Variants in PTCHD4 observed in about 807,000 individuals in gnomAD.
The protein encoded by PTCHD4 is patched domain-containing protein 4.
A neutral mutation model predicts 58.1 loss-of-function variants in PTCHD4; 33 were observed. That is an observed-to-expected ratio of 0.57 (90% CI 0.43 to 0.76). The LOEUF (loss-of-function observed/expected upper bound fraction) is 0.76. Ranked by LOEUF, PTCHD4 falls within the 30% of genes least tolerant of loss-of-function variation. The probability of loss-of-function intolerance (pLI) is 0.00; values close to 1 mark genes in which losing one functional copy is unlikely to be tolerated. For synonymous variants in PTCHD4, 478 were observed against 409.6 expected, an observed-to-expected ratio of 1.17 and a Z score of -2.02; for missense variants, 1,058 against 1,027.1, an observed-to-expected ratio of 1.03 and a Z score of -0.41.
chr6:48,095,276 T>C (rs1765441334), intron 1 of PTCHD4, among the ~76,000 whole-genome samples: 1 of 152,240 alleles, frequency 6.6e-6, no homozygotes. Context: ...AAATGTATAG[T>C]TGTCTTGGCA....
intron 4 of PTCHD4, among the ~76,000 whole-genome samples, chr6:47,963,026 G>A (rs950864018): frequency 6.6e-6 from 1 of 151,956 alleles, no homozygotes; most frequent in Non-Finnish European, 1.5e-5. Context: ...CTACTTGGGA[G>A]GCTGAGGCAG....
chr6:48,036,225 A>G (rs17660491), intron 3 of PTCHD4, among the ~76,000 whole-genome samples: 28,940 of 151,936 alleles, frequency 0.19, 3,116 homozygotes, highest in South Asian at 0.26. Context: ...TTTCAAGAGA[A>G]ATACAATTTG....
chr6:47,975,365 A>G (rs1313719505), intron 4 of PTCHD4, among the ~76,000 whole-genome samples: 1 of 152,134 alleles, frequency 6.6e-6, no homozygotes, highest in African/African-American at 2.4e-5. Context: ...GTTTCTCGGC[A>G]TCTGTTTTCC....
At chr6:47,952,598 C>G (rs1766696608) in intron 4 of PTCHD4, among the ~76,000 whole-genome samples, 1 of 152,038 alleles carries the variant, frequency 6.6e-6, no homozygotes, top group South Asian at 2.1e-4. Context: ...CATAAGATTA[C>G]AATACCATAT....
chr6:48,063,185 C>A (rs1029186908), intron 3 of PTCHD4, among the ~76,000 whole-genome samples: 1 of 152,106 alleles, frequency 6.6e-6, no homozygotes, highest in Non-Finnish European at 1.5e-5. Flanking sequence ...TTAGCTAATC[C>A]TGGAGCCTTA....
At chr6:48,059,273 T>C (rs1040939211) in intron 3 of PTCHD4, among the ~76,000 whole-genome samples, 50 of 152,320 alleles carry the variant, frequency 3.3e-4, no homozygotes, top group African/African-American at 1.2e-3. Context: ...AAGTACTGCC[T>C]AAGGTATTAT....
intron 4 of PTCHD4, among the ~76,000 whole-genome samples, chr6:47,947,321 C>G (rs1263272602): frequency 2.0e-5 from 3 of 152,026 alleles, no homozygotes; most frequent in Non-Finnish European, 4.4e-5. Context: ...ACACATTTAC[C>G]CTATCATTAG....
intron 4 of PTCHD4, among the ~76,000 whole-genome samples, chr6:47,965,846 C>T (rs1444844453): frequency 2.0e-5 from 3 of 151,966 alleles, no homozygotes; most frequent in African/African-American, 4.8e-5. Context: ...ACCCGGGAGG[C>T]GGGGCTTGCA....
chr6:48,065,916 T>C (rs1184883514), intron 3 of PTCHD4, among the ~76,000 whole-genome samples: 1 of 152,206 alleles, frequency 6.6e-6, no homozygotes, highest in African/African-American at 2.4e-5. Flanking sequence ...CCTTTGTAAT[T>C]AATGATTCCC....
At chr6:47,989,508 T>A (rs1156789590) in intron 4 of PTCHD4, among the ~76,000 whole-genome samples, 1 of 152,144 alleles carries the variant, frequency 6.6e-6, no homozygotes, top group Non-Finnish European at 1.5e-5. Flanking sequence ...AGGGTCCCTG[T>A]GCTGTGTGAA....
intron 4 of PTCHD4, among the ~76,000 whole-genome samples, chr6:47,993,299 A>G (rs1167189906): frequency 6.6e-6 from 1 of 152,210 alleles, no homozygotes; most frequent in Non-Finnish European, 1.5e-5. Flanking sequence ...GATGATGGTA[A>G]AAACATGTAT....
chr6:47,901,734 T>G (rs1013772165), intron 4 of PTCHD4: 2 of 1,190,918 alleles, frequency 1.7e-6, no homozygotes, highest in Non-Finnish European at 2.1e-6. Flanking sequence ...TAGAATGAAC[T>G]CTCAGATTGC....
intron 3 of PTCHD4, among the ~76,000 whole-genome samples, chr6:48,017,282 T>C (rs1762899364): frequency 2.0e-5 from 3 of 152,268 alleles, no homozygotes; most frequent in South Asian, 4.1e-4. Flanking sequence ...AAATACCTAG[T>C]TTGTACAAGG....
rs1763419662 is a variant in PTCHD4, at chr6:47,861,313, TA to T, written c.*16989del. On this transcript the variant is annotated 3_prime_UTR_variant, in exon 5 of 5. Transcript: ENST00000339488. ...GATGTTCTTTCATAAAACTATTTTT[TA>T]AAAAAATTTTATTTGTGTCTCAATT... is the stretch of plus-strand genomic sequence containing the variant. Among the ~76,000 whole-genome samples, 1 of 149,850 alleles carries T rather than the reference TA, an allele frequency of 6.7e-6. No homozygotes were observed. Among genetic ancestry groups the T allele is most frequent in the African/African-American group, 2.4e-5 (1 of 40,866 alleles).
chr6:47,862,629 G>C lies in PTCHD4; in HGVS notation c.*15674C>G, dbSNP rs1763455910. 6.6e-6 allele frequency among the ~76,000 whole-genome samples: 1 copy of C among 151,662 alleles called. No homozygotes were observed. Among genetic ancestry groups the C allele is most frequent in the African/African-American group, 2.4e-5 (1 of 41,352 alleles). ...GGGACAGAAGGGAAAAATTAGTTCTGTGTTATTTTAATTGAAATTCATGCT... is the reference window on the plus strand; with the variant it reads ...GGGACAGAAGGGAAAAATTAGTTCTCTGTTATTTTAATTGAAATTCATGCT... On this transcript the variant is annotated 3_prime_UTR_variant, in exon 5 of 5. Coordinates refer to ENST00000339488, the MANE Select transcript of PTCHD4 (RefSeq NM_001384253.1).
Position 47,873,645 on chromosome 6 carries a change from G to T in PTCHD4, c.*4658C>A, listed in dbSNP as rs532643836. On this transcript the variant is annotated 3_prime_UTR_variant, in exon 5 of 5. Coordinates refer to ENST00000339488, the MANE Select transcript of PTCHD4 (RefSeq NM_001384253.1). ...TTGTAGACAAAGTAGTAAAAAACTT[G>T]ATTTTTCCCTATCCTATATATCTGC... 9.2e-4 allele frequency among the ~76,000 whole-genome samples: 140 copies of T among 151,672 alleles called. 2 individuals are homozygous for T. The highest frequency in any genetic ancestry group is 6.8e-3 in the Middle Eastern group (2 of 294).
chr6:47,933,982 T>C (rs1416515394), intron 4 of PTCHD4, among the ~76,000 whole-genome samples: 2 of 152,230 alleles, frequency 1.3e-5, no homozygotes, highest in South Asian at 2.1e-4. Context: ...ATCTCTATAC[T>C]ATCTTGGTAG....
chr6:47,914,595 T>C (rs1343401961), intron 4 of PTCHD4, among the ~76,000 whole-genome samples: 1 of 151,458 alleles, frequency 6.6e-6, no homozygotes, highest in Non-Finnish European at 1.5e-5. Flanking sequence ...GAGTTCTTTA[T>C]AGTTAATCTT....
At chr6:47,959,158 A>T (rs1019674062) in intron 4 of PTCHD4, among the ~76,000 whole-genome samples, 2 of 152,218 alleles carry the variant, frequency 1.3e-5, no homozygotes, top group African/African-American at 4.8e-5. Flanking sequence ...TGGATGTTGG[A>T]ATTAGCAGAT....
Sources: allele counts gnomAD v4.1 joint callset (sites outside exome capture counted in the v4.1 genomes callset), GRCh38; gene constraint gnomAD v4.1.1; transcripts MANE v1.5; gene names NCBI Gene and HGNC (gene_info 2026-07-23, HGNC 2026-07-21).